The following ADAMTSL1 variants were observed in gnomAD, a reference collection of about 807,000 sequenced individuals.
ADAMTSL1 encodes ADAMTS like 1.
ADAMTSL1 carries 126 observed loss-of-function variants against 201.8 expected under a neutral mutation model. The ratio of observed to expected loss-of-function variants is 0.62; its 90% CI spans 0.54 to 0.72. The LOEUF (loss-of-function observed/expected upper bound fraction) is 0.72. ADAMTSL1 is among the 30% of genes least tolerant of loss of function. ADAMTSL1 has a pLI of 0.00. For missense variants in ADAMTSL1, 2,679 were observed against 2,277.8 expected (o/e 1.18, Z -3.59); for synonymous variants, 1,121 against 903.4 (o/e 1.24, Z -4.32).
At chr9:18,323,062 A>AACAGG (rs1834690240) in intron 2 of ADAMTSL1, among the ~76,000 whole-genome samples, 2 of 152,152 alleles carry the variant, frequency 1.3e-5, no homozygotes, top group Non-Finnish European at 2.9e-5. Flanking sequence ...CTGATACAAA[A>AACAGG]TCTGAGAAAA....
At chr9:18,566,259 G>A (rs888553880) in intron 3 of ADAMTSL1, among the ~76,000 whole-genome samples, 5 of 152,120 alleles carry the variant, frequency 3.3e-5, no homozygotes, top group Admixed American at 6.6e-5. Flanking sequence ...AAAATATGAC[G>A]TCTGTTTCCT....
At chr9:18,167,099 T>A (rs1827669175) in intron 2 of ADAMTSL1, among the ~76,000 whole-genome samples, 1 of 151,986 alleles carries the variant, frequency 6.6e-6, no homozygotes, top group Non-Finnish European at 1.5e-5. Context: ...TGATTTGCAT[T>A]GTTTGCAGAG....
chr9:18,542,212 TG>T (rs1273178235), intron 3 of ADAMTSL1, among the ~76,000 whole-genome samples: 1 of 152,190 alleles, frequency 6.6e-6, no homozygotes, highest in African/African-American at 2.4e-5. Flanking sequence ...AAGATGAGGT[TG>T]GGAGAAAACA....
intron 2 of ADAMTSL1, among the ~76,000 whole-genome samples, chr9:18,511,201 T>C (rs1818002148): frequency 6.6e-6 from 1 of 152,142 alleles, no homozygotes; most frequent in Admixed American, 6.6e-5. Flanking sequence ...TTAAAGGTCT[T>C]CTGAGACCTT....
intron 23 of ADAMTSL1, among the ~76,000 whole-genome samples, chr9:18,846,489 C>T (rs542889868): frequency 1.3e-5 from 2 of 152,216 alleles, no homozygotes; most frequent in South Asian, 2.1e-4. Context: ...GGGGGAGTGG[C>T]CTTAGACAAG....
At chr9:18,156,703 A>G (rs1827169967) in intron 1 of ADAMTSL1, among the ~76,000 whole-genome samples, 1 of 151,852 alleles carries the variant, frequency 6.6e-6, no homozygotes, top group Non-Finnish European at 1.5e-5. Context: ...TCATTAGAAG[A>G]TGTGATAAAA....
intron 22 of ADAMTSL1, among the ~76,000 whole-genome samples, chr9:18,827,527 GA>G (rs1248460936): frequency 6.6e-6 from 1 of 152,206 alleles, no homozygotes; most frequent in Non-Finnish European, 1.5e-5. Context: ...CTGGCTCAGA[GA>G]AAGATGTTAT....
chr9:17,950,201 C>T (rs1827679891), intron 1 of ADAMTSL1, among the ~76,000 whole-genome samples: 1 of 152,058 alleles, frequency 6.6e-6, no homozygotes. Flanking sequence ...GCCACTGCAT[C>T]TGGCCTGTGT....
At chr9:17,944,156 C>A (rs1827356923) in intron 1 of ADAMTSL1, among the ~76,000 whole-genome samples, 1 of 151,894 alleles carries the variant, frequency 6.6e-6, no homozygotes, top group South Asian at 2.1e-4. Flanking sequence ...GAAAATCATT[C>A]TTATACACAA....
At chr9:18,474,324 C>T in intron 1 of ADAMTSL1, 29 bp downstream of exon 1, 1 of 1,609,676 alleles carries the variant, frequency 6.2e-7, no homozygotes, top group Non-Finnish European at 8.5e-7. Context: ...CAATGCATTG[C>T]TATTGCCATT....
At chr9:18,679,297 A>G (rs1304450201) in intron 10 of ADAMTSL1, among the ~76,000 whole-genome samples, 2 of 152,218 alleles carry the variant, frequency 1.3e-5, no homozygotes, top group Non-Finnish European at 1.5e-5. Flanking sequence ...CATAATTCTA[A>G]GAGAAATCTT....
intron 3 of ADAMTSL1, among the ~76,000 whole-genome samples, chr9:18,537,530 T>C (rs1170758571): frequency 6.6e-6 from 1 of 152,124 alleles, no homozygotes; most frequent in African/African-American, 2.4e-5. Context: ...AGCTAGATCA[T>C]GCAGGACACT....
At chr9:17,917,023 T>A (rs1335891129) in intron 1 of ADAMTSL1, among the ~76,000 whole-genome samples, 3 of 152,186 alleles carry the variant, frequency 2.0e-5, no homozygotes, top group Non-Finnish European at 4.4e-5. Context: ...TATGCTTTTT[T>A]AAATGACATT....
chr9:18,090,044 TAA>T (rs1158588373), intron 1 of ADAMTSL1, among the ~76,000 whole-genome samples: 1 of 152,184 alleles, frequency 6.6e-6, no homozygotes, highest in Non-Finnish European at 1.5e-5. Flanking sequence ...ATTTTTAGTT[TAA>T]ATGCTTGGTA....
intron 2 of ADAMTSL1, among the ~76,000 whole-genome samples, chr9:18,181,271 C>A (rs1006007773): frequency 5.3e-5 from 8 of 152,094 alleles, no homozygotes; most frequent in East Asian, 3.9e-4. Flanking sequence ...GCAACAAAAG[C>A]CAAAATTGAC....
At chr9:18,551,071 A>G (rs1190704658) in intron 3 of ADAMTSL1, among the ~76,000 whole-genome samples, 1 of 151,944 alleles carries the variant, frequency 6.6e-6, no homozygotes, top group Non-Finnish European at 1.5e-5. Flanking sequence ...AGAAGCTAGG[A>G]AAAGAGAGAA....
chr9:18,117,351 C>T (rs776627388), intron 1 of ADAMTSL1, among the ~76,000 whole-genome samples: 9 of 152,028 alleles, frequency 5.9e-5, no homozygotes, highest in Non-Finnish European at 1.0e-4. Flanking sequence ...TCTCTCCTAC[C>T]GCCTTCACCC....
intron 2 of ADAMTSL1, among the ~76,000 whole-genome samples, chr9:18,207,808 AAAAG>A (rs532541856): frequency 1.1e-4 from 17 of 152,316 alleles, no homozygotes; most frequent in South Asian, 2.1e-4. Context: ...AGAGTGTTAA[AAAAG>A]AAAGCAAGAT....
intron 1 of ADAMTSL1, among the ~76,000 whole-genome samples, chr9:18,093,227 T>A (rs1477693197): frequency 6.6e-6 from 1 of 151,988 alleles, no homozygotes; most frequent in Non-Finnish European, 1.5e-5. Context: ...AGAAAAAAAA[T>A]CTGCAGTATT....
Sources: allele counts gnomAD v4.1 joint callset (sites outside exome capture counted in the v4.1 genomes callset), GRCh38; gene constraint gnomAD v4.1.1; transcripts MANE v1.5; gene names NCBI Gene and HGNC (gene_info 2026-07-23, HGNC 2026-07-21).